Variants in DDX11 observed in about 807,000 individuals in gnomAD.
DDX11 encodes the protein ATP-dependent DNA helicase DDX11.
Under a neutral mutation model 125.2 loss-of-function variants are expected in DDX11, and 72 were observed. The observed-to-expected ratio is 0.58, with a 90% CI of 0.48 to 0.70. The LOEUF (loss-of-function observed/expected upper bound fraction) is 0.70. Ranked by LOEUF, DDX11 falls within the 30% of genes least tolerant of loss-of-function variation. The probability of loss-of-function intolerance (pLI) is 0.00; values close to 1 mark genes in which losing one functional copy is unlikely to be tolerated. For missense variants in DDX11, 883 were observed against 1,165.0 expected, an observed-to-expected ratio of 0.76 and a Z score of 3.52; for synonymous variants, 347 against 452.6, an observed-to-expected ratio of 0.77 and a Z score of 2.96.
chr12:31,100,599 G>T (rs1946193181), intron 18 of DDX11, 36 bp from the exon 19 acceptor site: 1 of 1,548,286 alleles, frequency 6.5e-7, no homozygotes, highest in East Asian at 2.4e-5. Flanking sequence ...CCTCTGAGGG[G>T]TCATGGGGCC....
At chr12:31,084,548 C>T (rs745385449) in intron 3 of DDX11, 35 bp from the exon 4 acceptor site, 6 of 1,574,752 alleles carry the variant, frequency 3.8e-6, no homozygotes, top group South Asian at 1.2e-5. Flanking sequence ...TTTTGGGCTT[C>T]CTTGGTGATT....
At chr12:31,091,187 C>T (rs1438190143) in intron 9 of DDX11, 2 of 152,444 alleles carry the variant, frequency 1.3e-5, no homozygotes, top group African/African-American at 4.8e-5. Context: ...ACTTTCCTAA[C>T]AACAAACACC....
chr12:31,078,068 G>A, intron 1 of DDX11: 1 of 595,512 alleles, frequency 1.7e-6, no homozygotes, highest in Non-Finnish European at 2.7e-6. Context: ...GCTGGTCTGT[G>A]AGAAGAGAGC....
intron 18 of DDX11, among the ~76,000 whole-genome samples, chr12:31,099,244 C>T (rs953719231): frequency 6.6e-6 from 1 of 151,774 alleles, no homozygotes; most frequent in African/African-American, 2.4e-5. Context: ...TGTGCCACCA[C>T]ACCCAGCTAA....
intron 25 of DDX11, 49 bp from the exon 26 acceptor site, chr12:31,103,528 A>G (rs767504469): frequency 9.3e-5 from 150 of 1,613,442 alleles, no homozygotes; most frequent in Admixed American, 3.5e-4. Context: ...AATGTGCTGT[A>G]GGGGGGAGGC....
intron 15 of DDX11, 119 bp from the exon 16 acceptor site, chr12:31,096,518 C>T: frequency 3.8e-6 from 6 of 1,589,506 alleles, no homozygotes; most frequent in Non-Finnish European, 5.1e-6. Flanking sequence ...GTGGGCCTTG[C>T]TGGGGTGGTG....
chr12:31,097,453 G>C (rs188646475), intron 17 of DDX11, among the ~76,000 whole-genome samples: 2 of 150,480 alleles, frequency 1.3e-5, no homozygotes, highest in Non-Finnish European at 3.0e-5. Flanking sequence ...GCTGAGGGGG[G>C]GCGGATCGTG....
intron 2 of DDX11, among the ~76,000 whole-genome samples, chr12:31,081,065 G>C (rs755396819): frequency 6.6e-6 from 1 of 152,132 alleles, no homozygotes; most frequent in Non-Finnish European, 1.5e-5. Flanking sequence ...TGTTTAGCCT[G>C]ACAACCCATC....
Position 31,078,460 on chromosome 12 carries a change from C to T in DDX11, c.67C>T (p.Gln23Ter). Residue 23 changes from glutamine to a stop codon, truncating the protein, a stop_gained, in exon 2 of 27, where the codon CAG (glutamine) becomes TAG (stop). Coordinates refer to ENST00000542838, the MANE Select transcript of DDX11 (RefSeq NM_030653.4). LOFTEE classifies it high-confidence loss of function. ...FPFPFTPYSI[Q>*]EDFMAELYRV... ...TTTTCCCTTCACACCCTATTCCATC[C>T]AGGAAGACTTCATGGCAGAGCTGTA... 1.9e-6 allele frequency: 3 copies of T among 1,611,212 alleles called. No individual in the cohort carries two copies.
chr12:31,078,556 A>G lies in DDX11; in HGVS notation c.144+19A>G, dbSNP rs1941170313. ...TGGCACTGTGAGTATGAACAGTGAGAGATACTGAAAAGGACAACTTAACAG... is the reference window on the plus strand; with the variant it reads ...TGGCACTGTGAGTATGAACAGTGAGGGATACTGAAAAGGACAACTTAACAG... On this transcript the variant is annotated intron_variant, in intron 2 of 26. Coordinates refer to ENST00000542838, the MANE Select transcript of DDX11 (RefSeq NM_030653.4). The G allele has an allele frequency of 6.2e-7, 1 of 1,611,790 alleles. No individual in the cohort carries two copies.
chr12:31,100,213 A>G (rs1323538293), intron 18 of DDX11, among the ~76,000 whole-genome samples: 3 of 152,134 alleles, frequency 2.0e-5, no homozygotes, highest in Non-Finnish European at 4.4e-5. Context: ...TGAGAATTGT[A>G]CCATTCTGTA....
chr12:31,100,730 G>C, intron 19 of DDX11, 23 bp downstream of exon 19: 2 of 1,551,214 alleles, frequency 1.3e-6, no homozygotes, highest in Non-Finnish European at 1.7e-6. Flanking sequence ...GCCCAGGGTG[G>C]GGCAGGCTAG....
intron 20 of DDX11, 93 bp downstream of exon 20, chr12:31,101,223 T>C: frequency 8.9e-7 from 1 of 1,121,870 alleles, no homozygotes; most frequent in Non-Finnish European, 1.4e-6. Flanking sequence ...CTGAGTGTTT[T>C]CAGTGTTGGG....
intron 1 of DDX11, chr12:31,077,844 GAA>G (rs368776702): frequency 0.014 from 2,354 of 172,000 alleles, 2 homozygotes; most frequent in South Asian, 0.037. Flanking sequence ...ACTCTGTCTC[GAA>G]AAAAAAAAAA....
intron 15 of DDX11, 25 bp from the exon 16 acceptor site, chr12:31,096,612 C>G: frequency 6.2e-7 from 1 of 1,612,046 alleles, no homozygotes; most frequent in Non-Finnish European, 8.5e-7. Flanking sequence ...CGTTCCTCTC[C>G]ACTGCTCTCT....
chr12:31,102,329 G>C lies in DDX11; in HGVS notation c.2271+18G>C. 6.2e-7 allele frequency: 1 copy of C among 1,612,212 alleles called. No individual in the cohort carries two copies. The highest frequency in any genetic ancestry group is 8.5e-7 in the Non-Finnish European group (1 of 1,178,486). On this transcript the variant is annotated intron_variant, in intron 22 of 26. Coordinates refer to ENST00000542838, the MANE Select transcript of DDX11 (RefSeq NM_030653.4). ...GCATCCAGGTGCGGGCGTCATGCTGGGCTTGGGTCTGAGATCGTGTGGGGG... is the reference window on the plus strand; with the variant it reads ...GCATCCAGGTGCGGGCGTCATGCTGCGCTTGGGTCTGAGATCGTGTGGGGG...
chr12:31,075,661 T>G (rs574496943), intron 1 of DDX11, among the ~76,000 whole-genome samples: 2 of 152,332 alleles, frequency 1.3e-5, no homozygotes, highest in Non-Finnish European at 2.9e-5. Flanking sequence ...AAGAGAAACC[T>G]TCACTTACAG....
chr12:31,093,373 G>T (rs757183946), intron 12 of DDX11, 49 bp downstream of exon 12: 2 of 1,611,604 alleles, frequency 1.2e-6, no homozygotes, highest in South Asian at 2.2e-5. Flanking sequence ...AACTCGCTGG[G>T]CTGCTTTTTC....
chr12:31,083,324 AACAAAAC>A (rs1299191264), intron 2 of DDX11, among the ~76,000 whole-genome samples: 2 of 144,866 alleles, frequency 1.4e-5, no homozygotes, highest in African/African-American at 2.6e-5. Context: ...AAAAAAAAAA[AACAAAAC>A]AAAACACAAA....
Sources: allele counts gnomAD v4.1 joint callset (sites outside exome capture counted in the v4.1 genomes callset), GRCh38; gene constraint gnomAD v4.1.1; transcripts MANE v1.5; gene names NCBI Gene and HGNC (gene_info 2026-07-23, HGNC 2026-07-21).